OSBPL10: variants seen among roughly 807,000 people sequenced by gnomAD.
OSBPL10 encodes the protein oxysterol-binding protein-related protein 10.
A neutral mutation model predicts 81.7 loss-of-function variants in OSBPL10; 49 were observed. That is an observed-to-expected ratio of 0.60 (90% confidence interval 0.48 to 0.76). The LOEUF (loss-of-function observed/expected upper bound fraction) is 0.76, where lower values mean the gene tolerates loss of function less well. OSBPL10 is among the 30% of genes least tolerant of loss of function. OSBPL10 has a pLI of 0.00. For missense variants in OSBPL10, 923 were observed against 987.8 expected (o/e 0.93, Z 0.88); for synonymous variants, 419 against 383.6 (o/e 1.09, Z -1.08).
chr3:31,837,321 T>TA (rs1700378393), intron 3 of OSBPL10, among the ~76,000 whole-genome samples: 1 of 59,108 alleles, frequency 1.7e-5, no homozygotes, highest in Non-Finnish European at 3.7e-5. Flanking sequence ...GATCCCCAAA[T>TA]TATATATATA....
Position 31,684,045 on chromosome 3 carries a change from G to A in OSBPL10, c.1315C>T (p.Pro439Ser). The change falls in exon 8 of 12, where the codon CCA becomes TCA. Residue 439 changes from proline (P) to serine (S), a missense_variant. Pro to Ser is a moderately conservative substitution (Grantham distance 74). This residue lies in a region of OSBPL10 where 387 missense variants were observed against 436.3 expected (regional missense o/e 0.89). Transcript: ENST00000396556. ...LEMYADFMAH[P>S]DLLLAITAGA... ...GCGGTGATGGCCAGCAGTAGGTCTG[G>A]GTGCGCCATGAAATCTGCATACATC... 1 of 1,614,224 alleles carries A rather than the reference G, an allele frequency of 6.2e-7. No individual in the cohort carries two copies.
At chr3:31,970,578 C>T (rs9878129) in intron 1 of OSBPL10, among the ~76,000 whole-genome samples, 62,829 of 152,118 alleles carry the variant, frequency 0.41, 15,446 homozygotes, top group East Asian at 0.76. Context: ...GACAGCCATG[C>T]ATCCAGCTAA....
intron 8 of OSBPL10, among the ~76,000 whole-genome samples, chr3:31,680,428 CAAG>C (rs1700612685): frequency 6.6e-6 from 1 of 152,154 alleles, no homozygotes; most frequent in African/African-American, 2.4e-5. Flanking sequence ...GCCCCTGACT[CAAG>C]GAGACCCCAG....
At chr3:31,909,043 A>C (rs548645415) in intron 1 of OSBPL10, among the ~76,000 whole-genome samples, 4 of 152,370 alleles carry the variant, frequency 2.6e-5, no homozygotes, top group African/African-American at 9.6e-5. Flanking sequence ...ATGCTAAAAC[A>C]TAGCTAGCAT....
chr3:31,721,160 C>G (rs941679643), intron 6 of OSBPL10, among the ~76,000 whole-genome samples: 1 of 152,096 alleles, frequency 6.6e-6, no homozygotes, highest in African/African-American at 2.4e-5. Context: ...TGGGCCCAAG[C>G]CAAGGAATGC....
chr3:31,662,137 C>G, intron 11 of OSBPL10, 21 bp from the exon 12 acceptor site: 1 of 1,613,810 alleles, frequency 6.2e-7, no homozygotes. Context: ...AGAAAGGAGG[C>G]ATTATTACAT....
intron 5 of OSBPL10, among the ~76,000 whole-genome samples, chr3:31,736,662 CA>C (rs1697184294): frequency 6.6e-6 from 1 of 152,184 alleles, no homozygotes; most frequent in African/African-American, 2.4e-5. Flanking sequence ...AAGCAGTAAA[CA>C]TCCTGTAGAG....
intron 3 of OSBPL10, among the ~76,000 whole-genome samples, chr3:31,860,857 G>T (rs1381234235): frequency 9.2e-5 from 10 of 108,234 alleles, no homozygotes; most frequent in East Asian, 2.6e-4. Context: ...GTTTTTTGGG[G>T]TTTTTTTTTT....
intron 1 of OSBPL10, among the ~76,000 whole-genome samples, chr3:31,968,118 C>A (rs1698454397): frequency 1.3e-5 from 2 of 151,960 alleles, no homozygotes; most frequent in South Asian, 4.2e-4. Flanking sequence ...GTGTGTATTT[C>A]TTTCTGTAAA....
At chr3:32,056,702 TC>T (rs1007784646) in intron 1 of OSBPL10, among the ~76,000 whole-genome samples, 1 of 152,148 alleles carries the variant, frequency 6.6e-6, no homozygotes, top group Non-Finnish European at 1.5e-5. Flanking sequence ...TGGACCTTCG[TC>T]CCTCTGCAAC....
chr3:31,776,031 G>A (rs757989408), intron 4 of OSBPL10, among the ~76,000 whole-genome samples: 8 of 152,144 alleles, frequency 5.3e-5, no homozygotes, highest in Non-Finnish European at 1.0e-4. Flanking sequence ...TGCAAGTCAG[G>A]AGGGTGCAAT....
intron 2 of OSBPL10, 47 bp downstream of exon 2, chr3:31,879,608 A>G (rs1246099030): frequency 6.4e-7 from 1 of 1,552,358 alleles, no homozygotes; most frequent in Non-Finnish European, 8.7e-7. Flanking sequence ...AGCCATCACC[A>G]TAGCAACTAG....
At chr3:31,785,410 A>T (rs1698836744) in intron 4 of OSBPL10, among the ~76,000 whole-genome samples, 1 of 152,208 alleles carries the variant, frequency 6.6e-6, no homozygotes, top group East Asian at 1.9e-4. Flanking sequence ...GGAGACAGGG[A>T]AACAGGAAAA....
At chr3:31,669,521 T>C (rs906468211) in intron 9 of OSBPL10, among the ~76,000 whole-genome samples, 1 of 152,182 alleles carries the variant, frequency 6.6e-6, no homozygotes, top group African/African-American at 2.4e-5. Context: ...ATCCCCTGAA[T>C]GAAGGCTGAG....
intron 2 of OSBPL10, among the ~76,000 whole-genome samples, chr3:32,015,434 C>T (rs1699303984): frequency 1.3e-5 from 2 of 152,150 alleles, no homozygotes; most frequent in Admixed American, 1.3e-4. Flanking sequence ...ACACCTTATA[C>T]AAAAATTAAT....
At chr3:32,028,020 C>G (rs1215713649) in intron 2 of OSBPL10, among the ~76,000 whole-genome samples, 1 of 152,170 alleles carries the variant, frequency 6.6e-6, no homozygotes, top group Non-Finnish European at 1.5e-5. Flanking sequence ...TGAGTGCCAC[C>G]TGGAAATGAG....
intron 7 of OSBPL10, among the ~76,000 whole-genome samples, chr3:31,688,209 C>A (rs939256300): frequency 1.3e-5 from 2 of 151,636 alleles, no homozygotes; most frequent in African/African-American, 2.4e-5. Flanking sequence ...AACGCCCCCA[C>A]CTCCCTCTGG....
At chr3:32,077,644 A>G (rs1171071951), upstream of OSBPL10, 1 of 152,198 alleles carries the variant, frequency 6.6e-6, no homozygotes, top group Non-Finnish European at 1.5e-5. Context: ...TCACCTCCCA[A>G]GGGTAAGGAG....
chr3:32,064,885 C>T lies in OSBPL10; in HGVS notation n.185+12511G>A, dbSNP rs1362680928. 2 of 93,212 alleles carry T rather than the reference C, an allele frequency of 2.1e-5. 1 individual carries two copies. Among genetic ancestry groups the T allele is most frequent in the Non-Finnish European group, 5.7e-5 (2 of 34,830 alleles). 5.8% of individuals were successfully genotyped at this position (93,212 alleles called of 1,614,324 possible). Reference sequence around the variant, plus strand: ...TGTTTTTTTGTTTTTTTCCCCCTTTCTCTTAGGCATGCCTAAAATCTCCTT... The same window carrying T: ...TGTTTTTTTGTTTTTTTCCCCCTTTTTCTTAGGCATGCCTAAAATCTCCTT... On this transcript the variant is annotated intron_variant and non_coding_transcript_variant, in intron 1 of 3. Coordinates refer to the OSBPL10 transcript ENST00000479173.
Sources: gnomAD v4.1 joint callset for allele counts (sites outside exome capture counted in the v4.1 genomes callset) on GRCh38, gnomAD v4.1.1 for gene constraint, gnomAD v4.1.1 regional missense constraint, MANE v1.5 for transcripts, NCBI Gene and HGNC (gene_info 2026-07-23, HGNC 2026-07-21) for gene names.